Variants in SIPA1L1 observed in about 807,000 individuals in gnomAD.
The protein encoded by SIPA1L1 is signal-induced proliferation-associated 1-like protein 1.
Under a neutral mutation model 162.7 loss-of-function variants are expected in SIPA1L1, and 26 were observed. The ratio of observed to expected loss-of-function variants is 0.16; its 90% confidence interval spans 0.12 to 0.22. The LOEUF (loss-of-function observed/expected upper bound fraction) is 0.22, where lower values mean the gene tolerates loss of function less well. SIPA1L1 is among the 10% of genes least tolerant of loss of function. The pLI, the probability that SIPA1L1 is intolerant of heterozygous loss-of-function variation, is 1.00. For synonymous variants in SIPA1L1, 829 were observed against 837.4 expected (o/e 0.99, Z 0.17); for missense variants, 1,874 against 2,241.0 (o/e 0.84, Z 3.31).
chr14:71,711,485 G>T (rs569662357), intron 17 of SIPA1L1, among the ~76,000 whole-genome samples: 18 of 152,320 alleles, frequency 1.2e-4, no homozygotes, highest in African/African-American at 4.1e-4. Flanking sequence ...TTGAAAGGAG[G>T]ATGCCTTTTT....
intron 7 of SIPA1L1, among the ~76,000 whole-genome samples, chr14:71,631,471 A>G (rs1446750024): frequency 6.6e-6 from 1 of 152,206 alleles, no homozygotes; most frequent in Non-Finnish European, 1.5e-5. Context: ...ACAGTACTGC[A>G]ATGAAGACTT....
At chr14:71,632,440 AC>A (rs1567355113) in intron 7 of SIPA1L1, among the ~76,000 whole-genome samples, 1 of 152,350 alleles carries the variant, frequency 6.6e-6, no homozygotes, top group Admixed American at 6.5e-5. Flanking sequence ...ACTGCACAGT[AC>A]AAAAAGAAGC....
chr14:71,662,250 T>C (rs2043592943), intron 10 of SIPA1L1, among the ~76,000 whole-genome samples: 2 of 152,190 alleles, frequency 1.3e-5, no homozygotes, highest in African/African-American at 4.8e-5. Flanking sequence ...AGATCCACAA[T>C]TGTATATTTC....
At chr14:71,464,074 A>G (rs2046804865) in intron 2 of SIPA1L1, among the ~76,000 whole-genome samples, 2 of 152,232 alleles carry the variant, frequency 1.3e-5, no homozygotes, top group Admixed American at 6.5e-5. Context: ...TGCTTTTCAC[A>G]GATGCAGGTG....
chr14:71,682,171 TG>T (rs1258091299), intron 12 of SIPA1L1, among the ~76,000 whole-genome samples: 1 of 152,138 alleles, frequency 6.6e-6, no homozygotes, highest in East Asian at 1.9e-4. Flanking sequence ...CTCTACAAAG[TG>T]GGGATAATGA....
chr14:71,517,342 G>A (rs1028306742), intron 3 of SIPA1L1, among the ~76,000 whole-genome samples: 9 of 151,734 alleles, frequency 5.9e-5, no homozygotes, highest in South Asian at 4.2e-4. Flanking sequence ...AATTTATTTC[G>A]GCATAGGTAC....
chr14:71,407,823 G>A (rs1390682872), intron 2 of SIPA1L1, among the ~76,000 whole-genome samples: 1 of 152,106 alleles, frequency 6.6e-6, no homozygotes, highest in Non-Finnish European at 1.5e-5. Context: ...TTTTAGAAAG[G>A]ACAGGTTGAC....
chr14:71,424,032 G>T (rs980651703), intron 2 of SIPA1L1, among the ~76,000 whole-genome samples: 1 of 151,808 alleles, frequency 6.6e-6, no homozygotes, highest in Non-Finnish European at 1.5e-5. Flanking sequence ...TAATTCCTAG[G>T]TATTTTATTC....
intron 4 of SIPA1L1, among the ~76,000 whole-genome samples, chr14:71,541,982 A>T (rs1222200250): frequency 6.6e-6 from 1 of 152,166 alleles, no homozygotes. Context: ...TAACTTACTG[A>T]CTTTGGGGTT....
chr14:71,559,143 T>C (rs1596114978), intron 4 of SIPA1L1, among the ~76,000 whole-genome samples: 1 of 151,672 alleles, frequency 6.6e-6, no homozygotes, highest in African/African-American at 2.4e-5. Context: ...TCTCAGCTCA[T>C]TGCAACCTCC....
At chr14:71,711,598 G>A (rs1256901544) in intron 17 of SIPA1L1, among the ~76,000 whole-genome samples, 1 of 152,218 alleles carries the variant, frequency 6.6e-6, no homozygotes, top group African/African-American at 2.4e-5. Context: ...CATGGAGTGA[G>A]ATTGGAAAGA....
intron 4 of SIPA1L1, among the ~76,000 whole-genome samples, chr14:71,534,931 C>T (rs1405762033): frequency 3.9e-5 from 6 of 152,168 alleles, no homozygotes; most frequent in African/African-American, 7.2e-5. Context: ...CAGTTGTATT[C>T]GTTCAGAGCA....
rs200430873 is a variant in SIPA1L1, at chr14:71,661,444, G to A, written c.2232G>A (p.Pro744=). The change falls in exon 10 of 24, where the codon CCG becomes CCA. Residue 744 remains proline (P), a synonymous_variant. Transcript: ENST00000381232. ...HVFVIVRVHN[P]CSDSVCYSVA... ...TCGTCATCGTCAGGGTGCACAATCC[G>A]TGCTCTGACAGTGTCTGTTATAGGT... 2.0e-5 allele frequency: 33 copies of A among 1,613,986 alleles called. No individual in the cohort carries two copies. The highest frequency in any genetic ancestry group is 1.6e-4 in the South Asian group (15 of 91,070).
chr14:71,604,186 A>G (rs1158583802), intron 5 of SIPA1L1, among the ~76,000 whole-genome samples: 1 of 151,408 alleles, frequency 6.6e-6, no homozygotes, highest in African/African-American at 2.4e-5. Flanking sequence ...TTTTATAGAG[A>G]TGAGGTTTCA....
At chr14:71,533,019 C>T (rs1026052996) in intron 4 of SIPA1L1, among the ~76,000 whole-genome samples, 1 of 152,140 alleles carries the variant, frequency 6.6e-6, no homozygotes, top group Admixed American at 6.6e-5. Context: ...TTTGCTTCCT[C>T]CTAACTAGTC....
chr14:71,658,493 C>A, intron 9 of SIPA1L1, 57 bp downstream of exon 9: 1 of 1,119,542 alleles, frequency 8.9e-7, no homozygotes, highest in Non-Finnish European at 1.4e-6. Context: ...CTCTAGAAGC[C>A]TAAGTGGCAA....
intron 2 of SIPA1L1, among the ~76,000 whole-genome samples, chr14:71,405,647 A>G (rs755748190): frequency 4.6e-5 from 7 of 152,174 alleles, no homozygotes; most frequent in Non-Finnish European, 7.3e-5. Flanking sequence ...CTGTGACACA[A>G]CCTGCTGTTG....
chr14:71,668,480 A>C (rs1244821001), intron 10 of SIPA1L1, among the ~76,000 whole-genome samples: 1 of 152,206 alleles, frequency 6.6e-6, no homozygotes, highest in East Asian at 1.9e-4. Flanking sequence ...CAAACAAGAC[A>C]CCTTCCTGGT....
chr14:71,337,322 C>T (rs1428006043), intron 2 of SIPA1L1, among the ~76,000 whole-genome samples: 2 of 152,154 alleles, frequency 1.3e-5, no homozygotes, highest in Non-Finnish European at 2.9e-5. Flanking sequence ...CGGTGGTTCA[C>T]ACTTGTAATC....
Sources: gnomAD v4.1 joint callset for allele counts (sites outside exome capture counted in the v4.1 genomes callset) on GRCh38, gnomAD v4.1.1 for gene constraint, MANE v1.5 for transcripts, NCBI Gene and HGNC (gene_info 2026-07-23, HGNC 2026-07-21) for gene names.